NEDD9: variants seen among roughly 807,000 people sequenced by gnomAD.
NEDD9 encodes the protein neural precursor cell expressed, developmentally down-regulated 9, also known as enhancer of filamentation 1.
NEDD9 carries 26 observed loss-of-function variants against 76.6 expected under a neutral mutation model. That is an observed-to-expected ratio of 0.34 (90% CI 0.25 to 0.47). The LOEUF (loss-of-function observed/expected upper bound fraction) is 0.47, where lower values mean the gene tolerates loss of function less well. Among genes scored for constraint, NEDD9 ranks in the 20% least tolerant of loss-of-function variants. The pLI is 1.00. For missense variants in NEDD9, 937 were observed against 1,058.5 expected (o/e 0.89, Z 1.59); for synonymous variants, 392 against 414.2 (o/e 0.95, Z 0.65).
intron 3 of NEDD9, among the ~76,000 whole-genome samples, chr6:11,293,276 G>T (rs1561818973): frequency 1.9e-4 from 29 of 151,998 alleles, no homozygotes. Flanking sequence ...GAAATTGGAG[G>T]TTCAGAGAGG....
chr6:11,285,754 GT>G (rs1760634552), intron 3 of NEDD9, among the ~76,000 whole-genome samples: 1 of 152,188 alleles, frequency 6.6e-6, no homozygotes, highest in South Asian at 2.1e-4. Flanking sequence ...AGAAACTTTA[GT>G]GGAGAAACAT....
chr6:11,215,343 A>G (rs2113762439), intron 1 of NEDD9, among the ~76,000 whole-genome samples: 1 of 152,320 alleles, frequency 6.6e-6, no homozygotes, highest in South Asian at 2.1e-4. Flanking sequence ...CTAAAGGGAA[A>G]CTGAGGAGTG....
At chr6:11,192,295 A>C in intron 4 of NEDD9, 50 bp downstream of exon 4, 1 of 637,014 alleles carries the variant, frequency 1.6e-6, no homozygotes, top group Non-Finnish European at 2.5e-6. Context: ...CCCCCGACAC[A>C]CAGACACACA....
intron 3 of NEDD9, among the ~76,000 whole-genome samples, chr6:11,239,910 G>A (rs1759676512): frequency 6.6e-6 from 1 of 151,952 alleles, no homozygotes; most frequent in Non-Finnish European, 1.5e-5. Context: ...TGGGCATGGT[G>A]GTGCACACCT....
chr6:11,246,275 G>A (rs1180362252), intron 3 of NEDD9, among the ~76,000 whole-genome samples: 2 of 152,144 alleles, frequency 1.3e-5, no homozygotes, highest in Admixed American at 6.5e-5. Flanking sequence ...CAGGGCAGCC[G>A]GGAAGAGGCA....
In NEDD9 at chr6:11,211,817, A is replaced by C. The variant is rs1024608034; in HGVS notation, c.459+1464T>G. 3.3e-5 allele frequency among the ~76,000 whole-genome samples: 5 copies of C among 152,170 alleles called. No individual in the cohort carries two copies. The South Asian group carries it at 1.0e-3, about 31-fold the overall frequency. On this transcript the variant is annotated intron_variant, in intron 2 of 6. Coordinates refer to ENST00000379446, the MANE Select transcript of NEDD9 (RefSeq NM_006403.4). The stretch of plus-strand genomic sequence containing the variant: ...TTTGTAAAACATACTTTTTATATCA[A>C]AGGTGATTTAAAAATGCATTAGTGC...
At chr6:11,278,930 A>T (rs1208937735) in intron 3 of NEDD9, among the ~76,000 whole-genome samples, 1 of 152,202 alleles carries the variant, frequency 6.6e-6, no homozygotes, top group Non-Finnish European at 1.5e-5. Context: ...AGTTAAAAAA[A>T]AAAAGCAGGG....
chr6:11,308,361 CTTTTTTTTT>C (rs933892327), intron 2 of NEDD9, among the ~76,000 whole-genome samples: 47 of 87,866 alleles, frequency 5.3e-4, no homozygotes, highest in African/African-American at 2.1e-3. Context: ...GATGGGACAT[CTTTTTTTTT>C]TTTTTTTTTT....
At position 11,184,988 on chromosome 6, in the gene NEDD9, A is replaced by T; in HGVS notation, c.*174T>A. 1.5e-5 allele frequency: 12 copies of T among 789,260 alleles called. No individual in the cohort carries two copies. Among genetic ancestry groups the T allele is most frequent in the Non-Finnish European group, 2.3e-5 (12 of 526,478 alleles). 48.9% of individuals were successfully genotyped at this position (789,260 alleles called of 1,614,324 possible). A position where few individuals can be genotyped will look rare whatever the true frequency, so the allele number is the denominator to read the frequency against. On this transcript the variant is annotated 3_prime_UTR_variant, in exon 7 of 7. Transcript: ENST00000379446. Reference sequence around the variant, plus strand: ...GAACCACTCAGGGGGAAAAAAAAAGATTTCCCTCTCCAGCTCCCTGAATTT... The same window carrying T: ...GAACCACTCAGGGGGAAAAAAAAAGTTTTCCCTCTCCAGCTCCCTGAATTT...
At chr6:11,328,822 A>C (rs1761980364) in intron 2 of NEDD9, 1 of 152,218 alleles carries the variant, frequency 6.6e-6, no homozygotes, top group Non-Finnish European at 1.5e-5. Context: ...CTCTGGTGTG[A>C]GTTAGTGGCC....
At chr6:11,263,964 T>A (rs1760158876) in intron 3 of NEDD9, among the ~76,000 whole-genome samples, 2 of 152,220 alleles carry the variant, frequency 1.3e-5, no homozygotes. Flanking sequence ...TTGAGCTTAT[T>A]AGCTATCTGA....
chr6:11,275,297 T>G (rs1388949380), intron 3 of NEDD9, among the ~76,000 whole-genome samples: 3 of 152,052 alleles, frequency 2.0e-5, no homozygotes. Context: ...GATACAAAAT[T>G]TCAGTTAGGA....
chr6:11,375,506 G>C (rs919819976), intron 1 of NEDD9, among the ~76,000 whole-genome samples: 5 of 152,166 alleles, frequency 3.3e-5, no homozygotes, highest in Non-Finnish European at 1.5e-5. Context: ...CAAATCTCAC[G>C]CTGAAATGTG....
At chr6:11,212,047 A>G (rs1246588340) in intron 2 of NEDD9, among the ~76,000 whole-genome samples, 3 of 152,182 alleles carry the variant, frequency 2.0e-5, no homozygotes, top group East Asian at 3.8e-4. Flanking sequence ...TTTTTTCAAC[A>G]GAGGATTCTA....
rs372117789 is a variant in NEDD9, at chr6:11,381,751, A to G, written c.-214+388T>C. On this transcript the variant is annotated intron_variant, in intron 1 of 3. Transcript: ENST00000397378. ...AGGACGTAAATGATTCTAATCCACC[A>G]TAAAGAATAAGTGACGGCCCACACT... 7.9e-5 allele frequency among the ~76,000 whole-genome samples: 12 copies of G among 152,354 alleles called. 1 individual carries two copies. In the East Asian group the frequency reaches 2.3e-3, roughly 29 times the overall value.
At chr6:11,271,594 T>C (rs16871184) in intron 3 of NEDD9, 12,145 of 152,280 alleles carry the variant, frequency 0.08, 560 homozygotes, top group Middle Eastern at 0.15. Flanking sequence ...ATCCAAGGAA[T>C]TGAAGAAATC....
intron 1 of NEDD9, among the ~76,000 whole-genome samples, chr6:11,362,362 C>T (rs1465835100): frequency 6.6e-6 from 1 of 152,202 alleles, no homozygotes; most frequent in Non-Finnish European, 1.5e-5. Context: ...TATGAGTACA[C>T]TGACATAATT....
intron 3 of NEDD9, among the ~76,000 whole-genome samples, chr6:11,244,591 G>T (rs1759773511): frequency 6.6e-6 from 1 of 152,136 alleles, no homozygotes; most frequent in Admixed American, 6.5e-5. Flanking sequence ...ATTGGTCATA[G>T]AATACATCCT....
intron 2 of NEDD9, among the ~76,000 whole-genome samples, chr6:11,330,704 A>G (rs893612077): frequency 3.9e-5 from 6 of 152,330 alleles, no homozygotes; most frequent in Middle Eastern, 3.4e-3. Flanking sequence ...CTAAGTCCCC[A>G]AGCACTGAAA....
Sources: allele counts gnomAD v4.1 joint callset (sites outside exome capture counted in the v4.1 genomes callset), GRCh38; gene constraint gnomAD v4.1.1; transcripts MANE v1.5; gene names NCBI Gene and HGNC (gene_info 2026-07-23, HGNC 2026-07-21).